MPDZ: variants seen among roughly 807,000 people sequenced by gnomAD.
The protein encoded by MPDZ is multiple PDZ domain protein.
Under a neutral mutation model 239.1 loss-of-function variants are expected in MPDZ, and 234 were observed. The observed-to-expected ratio is 0.98, with a 90% confidence interval of 0.88 to 1.09. The LOEUF (loss-of-function observed/expected upper bound fraction) is 1.09, where lower values mean the gene tolerates loss of function less well. Among genes scored for constraint, MPDZ ranks in the 50% least tolerant of loss-of-function variants. The probability of loss-of-function intolerance (pLI) is 0.00; values close to 1 mark genes in which losing one functional copy is unlikely to be tolerated. For synonymous variants in MPDZ, 1,048 were observed against 881.3 expected (o/e 1.19, Z -3.35); for missense variants, 3,175 against 2,510.0 (o/e 1.26, Z -5.66).
chr9:13,240,271 A>G (rs1965069111), intron 3 of MPDZ, among the ~76,000 whole-genome samples: 2 of 152,122 alleles, frequency 1.3e-5, no homozygotes, highest in Middle Eastern at 3.4e-3. Context: ...GAAGACTGAT[A>G]ATATTTTGCC....
rs139497050 is a variant in MPDZ at position 13,275,438 on chromosome 9, C to T, written c.-58+3962G>A. ...ATCCCACCAACACTTTGATTTTAGA[C>T]TTCCAGCCTCCAGAACTGTGAGGAA... On this transcript the variant is annotated intron_variant, in intron 1 of 46. Transcript: ENST00000319217. 3.6e-3 allele frequency among the ~76,000 whole-genome samples: 544 copies of T among 152,298 alleles called. 1 individual carries two copies. Among genetic ancestry groups the T allele is most frequent in the African/African-American group, 0.012 (508 of 41,566 alleles).
At chr9:13,166,599 G>C (rs1951106286) in intron 22 of MPDZ, among the ~76,000 whole-genome samples, 1 of 152,070 alleles carries the variant, frequency 6.6e-6, no homozygotes, top group Non-Finnish European at 1.5e-5. Context: ...GATTTCCAGA[G>C]GAGGGAAGGT....
intron 32 of MPDZ, among the ~76,000 whole-genome samples, chr9:13,132,281 G>C (rs1563866843): frequency 6.6e-6 from 1 of 152,140 alleles, no homozygotes; most frequent in Non-Finnish European, 1.5e-5. Flanking sequence ...CTTAATATAG[G>C]CAGCACCATT....
At chr9:13,185,519 G>A (rs1400783501) in intron 18 of MPDZ, among the ~76,000 whole-genome samples, 1 of 152,042 alleles carries the variant, frequency 6.6e-6, no homozygotes, top group Non-Finnish European at 1.5e-5. Flanking sequence ...CGTTGAGTAA[G>A]GAACCTAGCT....
At chr9:13,261,752 C>T (rs147328082) in intron 1 of MPDZ, among the ~76,000 whole-genome samples, 1 of 151,094 alleles carries the variant, frequency 6.6e-6, no homozygotes, top group Non-Finnish European at 1.5e-5. Context: ...AGGTAACTGA[C>T]AGAGTATGGT....
At chr9:13,114,832 G>C (rs1314087872) in intron 40 of MPDZ, among the ~76,000 whole-genome samples, 1 of 152,012 alleles carries the variant, frequency 6.6e-6, no homozygotes, top group Non-Finnish European at 1.5e-5. Context: ...CCCGGGAGGC[G>C]AAGGTTGCAG....
At position 13,168,498 on chromosome 9, in the gene MPDZ, G is replaced by A. The variant is rs762359517; in HGVS notation, c.3122C>T (p.Ala1041Val). The A allele has an allele frequency of 2.2e-5, 35 of 1,613,158 alleles. No homozygotes were observed. Among genetic ancestry groups the A allele is most frequent in the Non-Finnish European group, 2.9e-5 (34 of 1,179,534 alleles). ...MIVRSIIHGG[A>V]ISRDGRIAIG... ...GGCAATCCGGCCATCTCGACTAATGGCACCTCCATGAATAATGCTTCGAAC... is the reference window on the plus strand; with the variant it reads ...GGCAATCCGGCCATCTCGACTAATGACACCTCCATGAATAATGCTTCGAAC... The change falls in exon 22 of 47, where the codon GCC (alanine) becomes GTC (valine). Residue 1041 changes from alanine (A) to valine (V), a missense_variant. Transcript: ENST00000319217.
chr9:13,132,586 T>A (rs578115895), intron 32 of MPDZ, among the ~76,000 whole-genome samples: 1 of 152,192 alleles, frequency 6.6e-6, no homozygotes, highest in Non-Finnish European at 1.5e-5. Flanking sequence ...GGCAACTCTA[T>A]ACCAGCTTAT....
intron 25 of MPDZ, among the ~76,000 whole-genome samples, chr9:13,148,169 A>G (rs1345974619): frequency 1.3e-5 from 2 of 152,114 alleles, no homozygotes; most frequent in East Asian, 3.9e-4. Context: ...TTAGTTTTGC[A>G]AAAGAATCCT....
chr9:13,246,984 T>A (rs1966717112), intron 3 of MPDZ, among the ~76,000 whole-genome samples: 1 of 152,258 alleles, frequency 6.6e-6, no homozygotes, highest in Non-Finnish European at 1.5e-5. Flanking sequence ...TCTGTCATTG[T>A]GAAATGTTTC....
At chr9:13,277,600 T>C (rs954094138) in intron 1 of MPDZ, among the ~76,000 whole-genome samples, 2 of 152,208 alleles carry the variant, frequency 1.3e-5, no homozygotes, top group African/African-American at 2.4e-5. Context: ...AGTCTCGCTC[T>C]GTCACCCAGG....
intron 12 of MPDZ, among the ~76,000 whole-genome samples, chr9:13,199,980 G>C (rs1178791051): frequency 6.6e-6 from 1 of 152,020 alleles, no homozygotes; most frequent in Non-Finnish European, 1.5e-5. Flanking sequence ...TAATGGGTTT[G>C]TGAGTATTCC....
At chr9:13,150,286 T>C (rs987724395) in intron 25 of MPDZ, among the ~76,000 whole-genome samples, 2 of 151,678 alleles carry the variant, frequency 1.3e-5, no homozygotes, top group African/African-American at 2.4e-5. Context: ...CGTATGAAAA[T>C]AAACAAATAA....
Position 13,216,224 on chromosome 9 carries a change from G to A in MPDZ, c.1290+550C>T, listed in dbSNP as rs528434821. On this transcript the variant is annotated intron_variant, in intron 10 of 46. Coordinates refer to ENST00000319217, the MANE Select transcript of MPDZ (RefSeq NM_001378778.1). ...GTTGGGCTCTTCTGTACAGTGCCTT[G>A]AATAGCCATGTTTAAAACACATTGA... Among the ~76,000 whole-genome samples, 9 of 151,230 alleles carry A rather than the reference G, an allele frequency of 6.0e-5. No homozygotes were observed. The South Asian group carries it at 1.7e-3, about 28-fold the overall frequency.
Position 13,247,284 on chromosome 9 carries a change from G to A in MPDZ, c.183+351C>T, listed in dbSNP as rs75504716. Among the ~76,000 whole-genome samples, 770 of 152,282 alleles carry A rather than the reference G, an allele frequency of 5.1e-3. 11 individuals are homozygous for A. The highest frequency in any genetic ancestry group is 0.017 in the African/African-American group (717 of 41,560). On this transcript the variant is annotated intron_variant, in intron 3 of 46. Coordinates refer to ENST00000319217, the MANE Select transcript of MPDZ (RefSeq NM_001378778.1). ...GTAAGTATACTGAATGTCCGAATCT[G>A]AATGAGCAAGATCACATGAACAATG...
chr9:13,232,164 T>C (rs1276352741), intron 3 of MPDZ, among the ~76,000 whole-genome samples: 1 of 152,168 alleles, frequency 6.6e-6, no homozygotes, highest in African/African-American at 2.4e-5. Flanking sequence ...GACCACATAA[T>C]TGTGTGTACT....
At chr9:13,117,971 A>T (rs1025002942) in intron 39 of MPDZ, among the ~76,000 whole-genome samples, 1 of 151,014 alleles carries the variant, frequency 6.6e-6, no homozygotes. Flanking sequence ...CAGCCTCCTG[A>T]GTAGCTGGGA....
chr9:13,162,537 T>C (rs936190464), intron 23 of MPDZ, among the ~76,000 whole-genome samples, 154 bp downstream of exon 23: 5 of 151,994 alleles, frequency 3.3e-5, no homozygotes, highest in African/African-American at 9.7e-5. Flanking sequence ...TAATTACTTA[T>C]ATAATTGAGG....
At chr9:13,207,977 C>T (rs1176632135) in intron 10 of MPDZ, among the ~76,000 whole-genome samples, 1 of 152,104 alleles carries the variant, frequency 6.6e-6, no homozygotes, top group Non-Finnish European at 1.5e-5. Context: ...CATTAATATT[C>T]CTTAGAATTG....
Sources: allele counts gnomAD v4.1 joint callset (sites outside exome capture counted in the v4.1 genomes callset), GRCh38; gene constraint gnomAD v4.1.1; transcripts MANE v1.5; gene names NCBI Gene and HGNC (gene_info 2026-07-23, HGNC 2026-07-21).